LMTK2: variants seen among roughly 807,000 people sequenced by gnomAD.
LMTK2 encodes lemur tail kinase 2.
A neutral mutation model predicts 127.5 loss-of-function variants in LMTK2; 37 were observed. That is an observed-to-expected ratio of 0.29 (90% CI 0.22 to 0.38). The LOEUF (loss-of-function observed/expected upper bound fraction) is 0.38. Among genes scored for constraint, LMTK2 ranks in the 10% least tolerant of loss-of-function variants. The pLI, the probability that LMTK2 is intolerant of heterozygous loss-of-function variation, is 1.00. For missense variants in LMTK2, 1,694 were observed against 1,920.3 expected (o/e 0.88, Z 2.20); for synonymous variants, 819 against 810.1 (o/e 1.01, Z -0.19).
chr7:98,205,645 C>T lies in LMTK2; in HGVS notation c.*153C>T, dbSNP rs1797781166. 18 of 827,856 alleles carry T rather than the reference C, an allele frequency of 2.2e-5. No individual in the cohort carries two copies. Among genetic ancestry groups the T allele is most frequent in the South Asian group, 1.3e-4 (8 of 63,314 alleles). 51.3% of individuals were successfully genotyped at this position (827,856 alleles called of 1,614,324 possible). A position where few individuals can be genotyped will look rare whatever the true frequency, so the allele number is the denominator to read the frequency against. ...TGAAGAGGGAGACGGCTCTTAGCTG[C>T]GTTCAAGGCGGGGCCCTCGGGAGCC... On this transcript the variant is annotated 3_prime_UTR_variant, in exon 14 of 14. Coordinates refer to ENST00000297293, the MANE Select transcript of LMTK2 (RefSeq NM_014916.4).
chr7:98,205,819 G>A lies in LMTK2; in HGVS notation c.*327G>A. ...TGTGCGCGCGCGTGTGGAGCTGTGTGCACCGCATGTGTGCTTTCCACAGGG... is the reference window on the plus strand; with the variant it reads ...TGTGCGCGCGCGTGTGGAGCTGTGTACACCGCATGTGTGCTTTCCACAGGG... On this transcript the variant is annotated 3_prime_UTR_variant, in exon 14 of 14. Coordinates refer to ENST00000297293, the MANE Select transcript of LMTK2 (RefSeq NM_014916.4). 1 of 421,014 alleles carries A rather than the reference G, an allele frequency of 2.4e-6. No individual in the cohort carries two copies. Among genetic ancestry groups the A allele is most frequent in the Non-Finnish European group, 4.4e-6 (1 of 227,146 alleles). The allele number at this position is 421,014 out of a possible 1,614,324, so 26.1% of individuals were successfully genotyped here. A position where few individuals can be genotyped will look rare whatever the true frequency, so the allele number is the denominator to read the frequency against.
chr7:98,163,467 G>T (rs984011486), intron 6 of LMTK2, among the ~76,000 whole-genome samples: 1 of 152,160 alleles, frequency 6.6e-6, no homozygotes, highest in Non-Finnish European at 1.5e-5. Flanking sequence ...CCACCAACTT[G>T]TCCAGCAGTG....
intron 6 of LMTK2, among the ~76,000 whole-genome samples, chr7:98,165,021 G>A (rs996149148): frequency 2.6e-5 from 4 of 152,238 alleles, no homozygotes; most frequent in African/African-American, 9.6e-5. Flanking sequence ...TCTGAAGGCA[G>A]TTCGCAGTGG....
intron 11 of LMTK2, among the ~76,000 whole-genome samples, chr7:98,200,381 T>C (rs1392295098): frequency 6.6e-6 from 1 of 152,252 alleles, no homozygotes; most frequent in Admixed American, 6.5e-5. Flanking sequence ...CAGTTGGCCC[T>C]GGAGCAACAT....
chr7:98,193,726 GA>G lies in LMTK2; in HGVS notation c.3262del (p.Thr1088ProfsTer89). 6.2e-7 allele frequency: 1 copy of G among 1,613,872 alleles called. No homozygotes were observed. The highest frequency in any genetic ancestry group is 8.5e-7 in the Non-Finnish European group (1 of 1,180,008). Reference protein sequence around the residue: ...AGDGHRGTEVTPETFTAGSQG... With the variant: ...AGDGHRGTEVXPETFTAGSQG... The stretch of plus-strand genomic sequence containing the variant: ...GCGATGGTCACAGAGGCACAGAAGT[GA>G]CCCCTGAGACGTTCACAGCTGGCTC... On this transcript the variant is annotated frameshift_variant, in exon 11 of 14. Coordinates refer to ENST00000297293, the MANE Select transcript of LMTK2 (RefSeq NM_014916.4). LOFTEE classifies it high-confidence loss of function. This position sits in a 1 kb window ranked among gnomAD's most constrained non-coding sequence, Gnocchi z 4.1.
chr7:98,132,472 A>G (rs1051279420), intron 1 of LMTK2, among the ~76,000 whole-genome samples: 3 of 152,144 alleles, frequency 2.0e-5, no homozygotes, highest in Non-Finnish European at 4.4e-5. Context: ...GATGGTCTCA[A>G]TCTCCTGACC....
chr7:98,133,225 G>C (rs1210434265), intron 1 of LMTK2, among the ~76,000 whole-genome samples: 1 of 152,196 alleles, frequency 6.6e-6, no homozygotes, highest in Non-Finnish European at 1.5e-5. Flanking sequence ...GGTGATGCCT[G>C]TTCTTGATGT....
intron 9 of LMTK2, among the ~76,000 whole-genome samples, chr7:98,187,615 T>C (rs186493938): frequency 7.9e-5 from 12 of 152,020 alleles, no homozygotes; most frequent in African/African-American, 2.9e-4. Context: ...TTGTTGTTGT[T>C]GTTGTTTTGA....
chr7:98,154,063 A>G (rs1796893342), intron 4 of LMTK2, among the ~76,000 whole-genome samples: 1 of 152,192 alleles, frequency 6.6e-6, no homozygotes, highest in South Asian at 2.1e-4. Flanking sequence ...TTTAAAAATC[A>G]TTCTCTAGAG....
intron 13 of LMTK2, 49 bp downstream of exon 13, chr7:98,204,235 G>A (rs2116486351): frequency 4.0e-6 from 3 of 747,710 alleles, no homozygotes; most frequent in Non-Finnish European, 7.1e-6. Context: ...TCGGGGGTGG[G>A]GCGCTGCAGC....
intron 1 of LMTK2, among the ~76,000 whole-genome samples, chr7:98,125,295 T>G (rs1389412107): frequency 6.7e-6 from 1 of 148,746 alleles, no homozygotes; most frequent in Non-Finnish European, 1.5e-5. Context: ...AGAGCGAGAC[T>G]CCGTCTCAAA....
At chr7:98,180,902 C>T (rs1797345060) in intron 7 of LMTK2, among the ~76,000 whole-genome samples, 2 of 152,094 alleles carry the variant, frequency 1.3e-5, no homozygotes, top group Admixed American at 1.3e-4. Flanking sequence ...GGGCCGGGCC[C>T]AGCTGGTTCC....
intron 9 of LMTK2, among the ~76,000 whole-genome samples, chr7:98,187,738 G>A (rs2116453379): frequency 6.6e-6 from 1 of 152,010 alleles, no homozygotes; most frequent in African/African-American, 2.4e-5. Context: ...AGCCTCCCGA[G>A]TAATTGGGAT....
At chr7:98,118,605 G>A (rs749844281) in intron 1 of LMTK2, among the ~76,000 whole-genome samples, 115 of 152,032 alleles carry the variant, frequency 7.6e-4, no homozygotes, top group Non-Finnish European at 1.4e-3. Context: ...TCGTGTTCCC[G>A]TCACCCAGCA....
intron 7 of LMTK2, among the ~76,000 whole-genome samples, chr7:98,179,885 GCT>G (rs1797329515): frequency 6.6e-6 from 1 of 152,204 alleles, no homozygotes; most frequent in Admixed American, 6.5e-5. Context: ...TGGAACAGCA[GCT>G]CCAAGTGTCA....
chr7:98,136,818 C>G (rs187762957), intron 1 of LMTK2, among the ~76,000 whole-genome samples: 1 of 152,272 alleles, frequency 6.6e-6, no homozygotes, highest in East Asian at 1.9e-4. Context: ...AATAACTGAC[C>G]AGCACTCTTC....
At chr7:98,149,548 CG>C (rs1285666482) in intron 3 of LMTK2, among the ~76,000 whole-genome samples, 1 of 152,152 alleles carries the variant, frequency 6.6e-6, no homozygotes, top group Non-Finnish European at 1.5e-5. Flanking sequence ...TAAATGGTGC[CG>C]GAACAACTGG....
Position 98,192,047 on chromosome 7 carries a change from G to C in LMTK2, c.1582G>C (p.Asp528His), listed in dbSNP as rs560982751. The change falls in exon 11 of 14, where the codon GAT (aspartate) becomes CAT (histidine). Residue 528 changes from aspartate (D) to histidine (H), a missense_variant. Coordinates refer to ENST00000297293, the MANE Select transcript of LMTK2 (RefSeq NM_014916.4). ...GPGKQDDSGQ[D>H]VPLRVPGVVP... The stretch of plus-strand genomic sequence containing the variant: ...CGGAAAGCAAGATGACAGCGGCCAG[G>C]ATGTCCCCCTGAGGGTCCCTGGAGT... The C allele has an allele frequency of 5.6e-6, 9 of 1,602,718 alleles. No homozygotes were observed. In the African/African-American group the frequency reaches 9.4e-5, roughly 17 times the overall value.
chr7:98,110,206 G>A (rs1796182088), intron 1 of LMTK2, among the ~76,000 whole-genome samples: 1 of 152,118 alleles, frequency 6.6e-6, no homozygotes, highest in African/African-American at 2.4e-5. Flanking sequence ...TATCTATGGT[G>A]TCTTCATCAT....
Sources: gnomAD v4.1 joint callset for allele counts (sites outside exome capture counted in the v4.1 genomes callset) on GRCh38, gnomAD v4.1.1 for gene constraint, Gnocchi (gnomAD v3.1) non-coding constraint, MANE v1.5 for transcripts, NCBI Gene and HGNC (gene_info 2026-07-23, HGNC 2026-07-21) for gene names.